The following CCDC102B variants were observed in gnomAD, a reference collection of about 807,000 sequenced individuals.
The protein encoded by CCDC102B is coiled-coil domain containing 102B.
CCDC102B carries 75 observed loss-of-function variants against 57.4 expected under a neutral mutation model. The ratio of observed to expected loss-of-function variants is 1.31; its 90% CI spans 1.08 to 1.58. CCDC102B has a LOEUF of 1.58. Ranked by LOEUF, CCDC102B falls within the 40% of genes most tolerant of loss-of-function variation. The pLI is 0.00. For synonymous variants in CCDC102B, 206 were observed against 201.9 expected, an observed-to-expected ratio of 1.02 and a Z score of -0.17; for missense variants, 636 against 582.6, an observed-to-expected ratio of 1.09 and a Z score of -0.94.
intron 1 of CCDC102B, among the ~76,000 whole-genome samples, chr18:68,826,942 A>C (rs1193443682): frequency 6.6e-6 from 1 of 152,286 alleles, no homozygotes; most frequent in East Asian, 1.9e-4. Context: ...TTGAACTTCT[A>C]ATACAAAATG....
intron 6 of CCDC102B, among the ~76,000 whole-genome samples, chr18:68,930,320 T>C (rs2041625548): frequency 6.6e-6 from 1 of 150,912 alleles, no homozygotes; most frequent in Non-Finnish European, 1.5e-5. Context: ...TTATATAATA[T>C]GTTTATGGGC....
At chr18:68,759,288 T>C (rs1294451661) in intron 2 of CCDC102B, among the ~76,000 whole-genome samples, 1 of 151,966 alleles carries the variant, frequency 6.6e-6, no homozygotes. Context: ...AAGAAGAAAA[T>C]GTTTAACACA....
intron 6 of CCDC102B, among the ~76,000 whole-genome samples, chr18:69,009,992 C>T (rs1270894485): frequency 1.7e-5 from 2 of 114,850 alleles, no homozygotes; most frequent in Non-Finnish European, 3.3e-5. Flanking sequence ...AGTGCTGTGG[C>T]GCTATCTCGG....
chr18:68,868,597 T>C (rs2039104089), intron 4 of CCDC102B, among the ~76,000 whole-genome samples: 1 of 152,214 alleles, frequency 6.6e-6, no homozygotes, highest in South Asian at 2.1e-4. Flanking sequence ...ACACATTTCC[T>C]TCTTACGTTC....
intron 6 of CCDC102B, among the ~76,000 whole-genome samples, chr18:68,929,719 A>T (rs922820409): frequency 1.3e-5 from 2 of 152,006 alleles, no homozygotes; most frequent in Admixed American, 6.6e-5. Flanking sequence ...GTAATTTGGT[A>T]ACATTTTCTT....
intron 4 of CCDC102B, among the ~76,000 whole-genome samples, chr18:68,855,264 A>T (rs566287021): frequency 1.3e-5 from 2 of 152,240 alleles, no homozygotes; most frequent in African/African-American, 4.8e-5. Context: ...GAGGTGAGAG[A>T]GTAGGGTTTT....
chr18:68,991,881 T>C (rs2050877062), intron 6 of CCDC102B, among the ~76,000 whole-genome samples: 1 of 152,178 alleles, frequency 6.6e-6, no homozygotes, highest in African/African-American at 2.4e-5. Context: ...TTATTTAGCC[T>C]ACAACGTAAG....
At position 68,905,784 on chromosome 18, in the gene CCDC102B, C is replaced by CTT. The variant is rs35808828; in HGVS notation, c.1263+8382_1263+8383dup. On this transcript the variant is annotated intron_variant, in intron 6 of 7. Transcript: ENST00000360242. ...GTGATATATAATCTTTTATGTCTGG[C>CTT]TTTTTTTTTTTTTTTTTTTTTTTTT... Among the ~76,000 whole-genome samples, 35 of 70,466 alleles carry CTT rather than the reference C, an allele frequency of 5.0e-4. 2 individuals are homozygous for CTT. Among genetic ancestry groups the CTT allele is most frequent in the African/African-American group, 6.7e-4 (11 of 16,412 alleles). The allele number at this position is 70,466 out of a possible 152,430, so 46.2% of individuals were successfully genotyped here. A position where few individuals can be genotyped will look rare whatever the true frequency, so the allele number is the denominator to read the frequency against.
At chr18:69,035,238 A>AT (rs2052257743) in intron 7 of CCDC102B, among the ~76,000 whole-genome samples, 1 of 152,076 alleles carries the variant, frequency 6.6e-6, no homozygotes, top group South Asian at 2.1e-4. Flanking sequence ...CTTGTGTAAT[A>AT]TTTTTTAAAC....
intron 6 of CCDC102B, among the ~76,000 whole-genome samples, chr18:68,992,561 A>G (rs1012262944): frequency 1.3e-5 from 2 of 152,132 alleles, no homozygotes; most frequent in Admixed American, 1.3e-4. Context: ...AGCCTATTAG[A>G]TATTTTGAAC....
chr18:69,014,978 AGTGTGT>A (rs3035604), intron 7 of CCDC102B, among the ~76,000 whole-genome samples: 1 of 139,332 alleles, frequency 7.2e-6, no homozygotes, highest in Non-Finnish European at 1.6e-5. Context: ...AGAGAGAGAG[AGTGTGT>A]GTGTGTGTGT....
chr18:68,924,916 GC>G (rs2041425292), intron 6 of CCDC102B, among the ~76,000 whole-genome samples: 1 of 151,980 alleles, frequency 6.6e-6, no homozygotes. Flanking sequence ...GTTTACCAGT[GC>G]CCACCCCCAG....
At chr18:68,973,005 A>G (rs2050340923) in intron 6 of CCDC102B, among the ~76,000 whole-genome samples, 1 of 152,154 alleles carries the variant, frequency 6.6e-6, no homozygotes, top group Non-Finnish European at 1.5e-5. Context: ...TATAGGCAAC[A>G]GATTTTTAAT....
At chr18:68,856,088 CT>C (rs1003683576) in intron 4 of CCDC102B, among the ~76,000 whole-genome samples, 44 of 151,996 alleles carry the variant, frequency 2.9e-4, no homozygotes, top group Admixed American at 5.9e-4. Context: ...GGCGCTATTT[CT>C]TTTTTTACTT....
At chr18:68,861,785 G>A (rs183481031) in intron 4 of CCDC102B, among the ~76,000 whole-genome samples, 1 of 152,252 alleles carries the variant, frequency 6.6e-6, no homozygotes, top group Non-Finnish European at 1.5e-5. Context: ...GCTCATCTTG[G>A]TGAGCACTTT....
chr18:68,945,355 C>G (rs1238406153), intron 6 of CCDC102B, among the ~76,000 whole-genome samples: 1 of 151,872 alleles, frequency 6.6e-6, no homozygotes, highest in Non-Finnish European at 1.5e-5. Flanking sequence ...GTCAGTGTAA[C>G]CAAATGCAAA....
intron 6 of CCDC102B, among the ~76,000 whole-genome samples, chr18:69,003,371 T>C (rs181616725): frequency 1.9e-4 from 29 of 152,296 alleles, no homozygotes; most frequent in Admixed American, 5.9e-4. Context: ...ATCAGGAGAT[T>C]GTCTTATCAA....
chr18:68,861,800 G>A (rs1317679693), intron 4 of CCDC102B, among the ~76,000 whole-genome samples: 1 of 152,140 alleles, frequency 6.6e-6, no homozygotes, highest in Non-Finnish European at 1.5e-5. Flanking sequence ...CACTTTGCTA[G>A]ACATTTTATT....
chr18:68,776,854 T>C (rs1412880791), intron 2 of CCDC102B, among the ~76,000 whole-genome samples: 1 of 152,202 alleles, frequency 6.6e-6, no homozygotes, highest in Non-Finnish European at 1.5e-5. Context: ...AAAATAATTA[T>C]TTCTGGTTAG....
Sources: gnomAD v4.1 joint callset for allele counts (sites outside exome capture counted in the v4.1 genomes callset) on GRCh38, gnomAD v4.1.1 for gene constraint, MANE v1.5 for transcripts, NCBI Gene and HGNC (gene_info 2026-07-23, HGNC 2026-07-21) for gene names.